The following CYLC2 variants were observed in gnomAD, a reference collection of about 807,000 sequenced individuals.
CYLC2 encodes the protein cylicin-2.
A neutral mutation model predicts 26.1 loss-of-function variants in CYLC2; 30 were observed. The ratio of observed to expected loss-of-function variants is 1.15; its 90% confidence interval spans 0.86 to 1.56. CYLC2 has a LOEUF of 1.56. Ranked by LOEUF, CYLC2 falls within the 40% of genes most tolerant of loss-of-function variation. CYLC2 has a pLI of 0.00. For missense variants in CYLC2, 498 were observed against 394.4 expected (o/e 1.26, Z -2.23); for synonymous variants, 158 against 132.8 (o/e 1.19, Z -1.31).
intron 6 of CYLC2, 58 bp from the exon 7 acceptor site, chr9:103,016,830 T>G (rs1176804012): frequency 6.6e-6 from 1 of 151,946 alleles, no homozygotes; most frequent in Admixed American, 6.6e-5. Context: ...CATATGGAAG[T>G]TTACATTAGA....
At chr9:102,997,900 T>C (rs1025164085) in intron 1 of CYLC2, among the ~76,000 whole-genome samples, 13 of 151,976 alleles carry the variant, frequency 8.6e-5, no homozygotes, top group African/African-American at 2.9e-4. Context: ...TTTATGGTGA[T>C]AGAATAGAAA....
chr9:103,001,495 C>G, intron 1 of CYLC2, 83 bp from the exon 2 acceptor site: 4 of 748,450 alleles, frequency 5.3e-6, no homozygotes, highest in Non-Finnish European at 9.1e-6. Context: ...TTGTTGGTTG[C>G]AGGTACTGGA....
At chr9:103,015,112 AAC>A (rs1829483201) in intron 6 of CYLC2, among the ~76,000 whole-genome samples, 3 of 58,712 alleles carry the variant, frequency 5.1e-5, no homozygotes, top group African/African-American at 1.9e-4. Context: ...TGATATACAT[AAC>A]ATGTATATCA....
At chr9:102,999,134 G>A (rs914477358) in intron 1 of CYLC2, among the ~76,000 whole-genome samples, 7 of 151,434 alleles carry the variant, frequency 4.6e-5, no homozygotes, top group Admixed American at 3.3e-4. Flanking sequence ...ATTTCCTAGA[G>A]GAAAAGTTTT....
rs1236767234 is a variant in CYLC2 at position 103,006,218 on chromosome 9, A to T, written c.*540A>T. ...TTGTAGAAAGCCTACTTTCAAGTAAATATAGCATTCCTTTGGCAAAAAGAA... is the reference window on the plus strand; with the variant it reads ...TTGTAGAAAGCCTACTTTCAAGTAATTATAGCATTCCTTTGGCAAAAAGAA... On this transcript the variant is annotated 3_prime_UTR_variant, in exon 5 of 8. Coordinates refer to ENST00000374798, the MANE Select transcript of CYLC2 (RefSeq NM_001340.5). 1 of 152,002 alleles carries T rather than the reference A, an allele frequency of 6.6e-6. No individual in the cohort carries two copies. Among genetic ancestry groups the T allele is most frequent in the Non-Finnish European group, 1.5e-5 (1 of 68,028 alleles). 9.4% of individuals were successfully genotyped at this position (152,002 alleles called of 1,614,324 possible). A position where few individuals can be genotyped will look rare whatever the true frequency, so the allele number is the denominator to read the frequency against.
chr9:103,016,819 A>T (rs1829511129), intron 6 of CYLC2, 69 bp from the exon 7 acceptor site: 1 of 152,040 alleles, frequency 6.6e-6, no homozygotes, highest in African/African-American at 2.4e-5. Flanking sequence ...AGTGCATAGC[A>T]CATATGGAAG....
rs79777165 is a variant in CYLC2 at position 103,017,206 on chromosome 9, G to A, written c.*890+245G>A. ...GGGATTTCAAAAGGGGATTTAAGGT[G>A]GGTGGCATTTGAGAAGAAAGCTTAA... On this transcript the variant is annotated intron_variant, in intron 7 of 7. Coordinates refer to ENST00000374798, the MANE Select transcript of CYLC2 (RefSeq NM_001340.5). 1.4e-4 allele frequency among the ~76,000 whole-genome samples: 22 copies of A among 151,960 alleles called. No homozygotes were observed. In the East Asian group the frequency reaches 3.7e-3, roughly 25 times the overall value.
intron 5 of CYLC2, among the ~76,000 whole-genome samples, chr9:103,007,788 G>T (rs1163056733): frequency 6.6e-6 from 1 of 152,040 alleles, no homozygotes; most frequent in African/African-American, 2.4e-5. Context: ...GCTTCTCTTG[G>T]ACATTAAAGG....
At chr9:103,002,324 C>T (rs191382708) in intron 2 of CYLC2, among the ~76,000 whole-genome samples, 297 of 148,296 alleles carry the variant, frequency 2.0e-3, no homozygotes, top group Admixed American at 5.4e-3. Context: ...TCACCTATAA[C>T]GATACCATTC....
Position 103,005,311 on chromosome 9 carries a change from G to A in CYLC2, c.680G>A (p.Gly227Asp), listed in dbSNP as rs536592921. 6.2e-7 allele frequency: 1 copy of A among 1,613,688 alleles called. No homozygotes were observed. Among genetic ancestry groups the A allele is most frequent in the East Asian group, 2.2e-5 (1 of 44,846 alleles). The change falls in exon 5 of 8, where the codon GGC (glycine) becomes GAC (aspartate). Residue 227 changes from glycine (G) to aspartate (D), a missense_variant. By Grantham distance (94) the Gly-to-Asp change is moderately conservative. Transcript: ENST00000374798. Reference protein sequence around the residue: ...SKKGKKDSKKGKDSAIELQAV... With the variant: ...SKKGKKDSKKDKDSAIELQAV... ...AAAGGTAAAAAGGATTCAAAGAAGG[G>A]CAAGGATTCAGCCATAGAATTACAA...
At chr9:102,995,448 AT>A (rs780519548) in intron 1 of CYLC2, 51 bp downstream of exon 1, 3 of 1,332,078 alleles carry the variant, frequency 2.3e-6, no homozygotes, top group Non-Finnish European at 3.2e-6. Context: ...TTAGCTTTAC[AT>A]TTAACTTCTT....
At chr9:102,997,987 GTTTTC>G (rs1300613180) in intron 1 of CYLC2, among the ~76,000 whole-genome samples, 1 of 151,800 alleles carries the variant, frequency 6.6e-6, no homozygotes, top group African/African-American at 2.4e-5. Context: ...CTTAATCCTA[GTTTTC>G]TTTTCAAAGT....
intron 1 of CYLC2, among the ~76,000 whole-genome samples, chr9:102,995,716 G>A (rs1311809676): frequency 6.6e-6 from 1 of 151,648 alleles, no homozygotes; most frequent in Non-Finnish European, 1.5e-5. Flanking sequence ...ATGATTTTCA[G>A]TCAGGGAACC....
chr9:103,014,185 A>C (rs1319439015), intron 6 of CYLC2, among the ~76,000 whole-genome samples: 1 of 121,426 alleles, frequency 8.2e-6, no homozygotes, highest in South Asian at 2.4e-4. Context: ...TATCTCATAT[A>C]TAATATATAA....
intron 5 of CYLC2, among the ~76,000 whole-genome samples, chr9:103,007,403 A>G (rs1192516438): frequency 6.6e-6 from 1 of 152,162 alleles, no homozygotes; most frequent in Non-Finnish European, 1.5e-5. Flanking sequence ...ACAAATTTAA[A>G]TGAGGCATAT....
At chr9:103,006,909 G>A (rs1044663977) in intron 5 of CYLC2, among the ~76,000 whole-genome samples, 6 of 152,072 alleles carry the variant, frequency 3.9e-5, no homozygotes, top group African/African-American at 1.2e-4. Context: ...CTAAGAGAAT[G>A]AACATTGTGC....
chr9:102,996,363 T>C (rs1829237262), intron 1 of CYLC2, among the ~76,000 whole-genome samples: 1 of 151,872 alleles, frequency 6.6e-6, no homozygotes, highest in African/African-American at 2.4e-5. Flanking sequence ...AAAATATCGA[T>C]GGTATTATTG....
intron 6 of CYLC2, among the ~76,000 whole-genome samples, chr9:103,015,377 T>G (rs555987166): frequency 7.1e-5 from 5 of 70,856 alleles, no homozygotes; most frequent in South Asian, 2.0e-3. Flanking sequence ...TATAATGTAA[T>G]ATATATTAAA....
chr9:102,998,982 A>G (rs1293542255), intron 1 of CYLC2, among the ~76,000 whole-genome samples: 1 of 151,890 alleles, frequency 6.6e-6, no homozygotes, highest in Non-Finnish European at 1.5e-5. Context: ...ATTCCATTAC[A>G]TTTACATAGC....
Sources: gnomAD v4.1 joint callset for allele counts (sites outside exome capture counted in the v4.1 genomes callset) on GRCh38, gnomAD v4.1.1 for gene constraint, MANE v1.5 for transcripts, NCBI Gene and HGNC (gene_info 2026-07-23, HGNC 2026-07-21) for gene names.